The following ARHGAP6 variants were observed in gnomAD, a reference collection of about 807,000 sequenced individuals.
ARHGAP6 encodes the protein rho GTPase-activating protein 6.
A neutral mutation model predicts 55.7 loss-of-function variants in ARHGAP6; 16 were observed. That is an observed-to-expected ratio of 0.29 (90% confidence interval 0.19 to 0.44). The LOEUF (loss-of-function observed/expected upper bound fraction) is 0.44, where lower values mean the gene tolerates loss of function less well. ARHGAP6 is among the 20% of genes least tolerant of loss of function. The probability of loss-of-function intolerance (pLI) is 1.00; values close to 1 mark genes in which losing one functional copy is unlikely to be tolerated. For synonymous variants in ARHGAP6, 382 were observed against 360.9 expected (o/e 1.06, Z -0.66); for missense variants, 698 against 808.9 (o/e 0.86, Z 1.66).
At chrX:11,398,949 T>C (rs777856562) in intron 1 of ARHGAP6, among the ~76,000 whole-genome samples, 1 of 112,202 alleles carries the variant, frequency 8.9e-6, no homozygotes, top group African/African-American at 3.2e-5. Context: ...TACATACAAG[T>C]CAACAGATTA....
Position 11,329,973 on chromosome X carries a change from T to A in ARHGAP6, c.589-75266A>T, listed in dbSNP as rs974710921. ...CACTGTTGTCTATGTGGTCCATTAT[T>A]GACAGAAACATCCTCATTTGTAACA... On this transcript the variant is annotated intron_variant, in intron 1 of 12. Coordinates refer to ENST00000337414, the MANE Select transcript of ARHGAP6 (RefSeq NM_013427.3). Among the ~76,000 whole-genome samples the A allele has an allele frequency of 3.5e-5, 4 of 113,353 alleles. 1 individual carries two copies. Among genetic ancestry groups the A allele is most frequent in the African/African-American group, 1.3e-4 (4 of 31,289 alleles).
intron 1 of ARHGAP6, among the ~76,000 whole-genome samples, chrX:11,573,249 A>T (rs1473259864): frequency 9.2e-6 from 1 of 108,875 alleles, no homozygotes; most frequent in Non-Finnish European, 1.9e-5. Context: ...TTTAGACATG[A>T]AGTCCTTGCC....
chrX:11,360,853 T>C (rs1157982581), intron 1 of ARHGAP6, among the ~76,000 whole-genome samples: 3 of 111,253 alleles, frequency 2.7e-5, no homozygotes, highest in Middle Eastern at 4.6e-3. Flanking sequence ...AGCATTCTTA[T>C]ACACCAATAA....
At chrX:11,478,161 C>T (rs774417849) in intron 1 of ARHGAP6, among the ~76,000 whole-genome samples, 10 of 111,726 alleles carry the variant, frequency 9.0e-5, no homozygotes, top group African/African-American at 3.2e-4. Flanking sequence ...TAAACAGCTT[C>T]CCTATGAACC....
intron 1 of ARHGAP6, among the ~76,000 whole-genome samples, chrX:11,516,949 C>A (rs769608457): frequency 1.1e-4 from 12 of 111,629 alleles, no homozygotes; most frequent in Non-Finnish European, 2.1e-4. Flanking sequence ...TCACAGCTTC[C>A]GCTACTGTTT....
intron 1 of ARHGAP6, among the ~76,000 whole-genome samples, chrX:11,428,113 A>C (rs2147785994): frequency 8.9e-6 from 1 of 112,621 alleles, no homozygotes; most frequent in South Asian, 3.7e-4. Context: ...TGGGTTTCCA[A>C]GAAAGAGAGA....
chrX:11,366,316 T>A (rs2049077754), intron 1 of ARHGAP6, among the ~76,000 whole-genome samples: 1 of 112,529 alleles, frequency 8.9e-6, no homozygotes, highest in Non-Finnish European at 1.9e-5. Flanking sequence ...AAAGACAAAG[T>A]TAGTAGATCT....
chrX:11,646,840 A>G (rs950506054), intron 1 of ARHGAP6, among the ~76,000 whole-genome samples: 5 of 112,525 alleles, frequency 4.4e-5, no homozygotes, highest in African/African-American at 1.6e-4. Context: ...TATCTGATTT[A>G]ATCTACAAAT....
intron 1 of ARHGAP6, among the ~76,000 whole-genome samples, chrX:11,416,467 T>C (rs1469204905): frequency 9.0e-6 from 1 of 111,356 alleles, no homozygotes; most frequent in Admixed American, 9.6e-5. Flanking sequence ...TGGACACCTT[T>C]TTTAAAATAG....
At chrX:11,421,915 G>T (rs1417477297) in intron 1 of ARHGAP6, among the ~76,000 whole-genome samples, 1 of 111,714 alleles carries the variant, frequency 9.0e-6, no homozygotes, top group Non-Finnish European at 1.9e-5. Context: ...AACTAATAAA[G>T]GGTTAAGTTT....
At chrX:11,177,548 C>T (rs1051261330) in intron 8 of ARHGAP6, among the ~76,000 whole-genome samples, 11 of 111,452 alleles carry the variant, frequency 9.9e-5, no homozygotes, top group Non-Finnish European at 1.9e-4. Flanking sequence ...GGAAGCAGGA[C>T]TGACCCTCCC....
At chrX:11,577,956 G>C (rs1200049250) in intron 1 of ARHGAP6, among the ~76,000 whole-genome samples, 2 of 111,432 alleles carry the variant, frequency 1.8e-5, no homozygotes, top group Non-Finnish European at 3.8e-5. Context: ...ATCGTCTTGA[G>C]GGACCACTTC....
At chrX:11,362,677 C>T (rs977599215) in intron 1 of ARHGAP6, among the ~76,000 whole-genome samples, 1 of 109,532 alleles carries the variant, frequency 9.1e-6, no homozygotes, top group African/African-American at 3.3e-5. Context: ...TAATAATAAA[C>T]ACTGTAATTC....
chrX:11,465,258 T>C (rs2050282067), intron 1 of ARHGAP6, among the ~76,000 whole-genome samples: 1 of 111,997 alleles, frequency 8.9e-6, no homozygotes, highest in South Asian at 3.7e-4. Context: ...TCAATACTTG[T>C]ATGAAGCAAA....
chrX:11,224,350 G>C, intron 2 of ARHGAP6: 1 of 530,021 alleles, frequency 1.9e-6, no homozygotes, highest in Non-Finnish European at 2.4e-6. Context: ...GTTGGTATCA[G>C]GCTTAGCTTT....
In ARHGAP6 at chrX:11,182,084, G is replaced by A; in HGVS notation, c.1308C>T (p.Ser436=). The change falls in exon 6 of 13, where the codon AGC becomes AGT. Residue 436 remains serine (S), a synonymous_variant. Coordinates refer to ENST00000337414, the MANE Select transcript of ARHGAP6 (RefSeq NM_013427.3). ...TTACTTGTCTCACTCTCTTTTTTGA[G>A]CTTCCAACTCGGAATATCCCCACTG... The part of the protein sequence containing the change: ...LQTVGIFRVG[S]SKKRVRQLRE... The A allele has an allele frequency of 1.7e-6, 2 of 1,203,564 alleles. No homozygotes were observed. The highest frequency in any genetic ancestry group is 4.6e-4 in the Middle Eastern group (2 of 4,320).
At position 11,160,273 on chromosome X, in the gene ARHGAP6, C is replaced by G. The variant is rs1054659209; in HGVS notation, c.1810-3647G>C. On this transcript the variant is annotated intron_variant, in intron 9 of 12. Transcript: ENST00000337414. ...GACCATCCTGGCTAACATGGTGAAA[C>G]CCCGTCTCTACTAAAAATACAAAAA... Among the ~76,000 whole-genome samples the G allele has an allele frequency of 3.1e-3, 328 of 106,518 alleles. 1 individual carries two copies. The highest frequency in any genetic ancestry group is 9.8e-3 in the Middle Eastern group (2 of 205). The allele number at this position is 106,518 out of a possible 115,157, so 92.5% of individuals were successfully genotyped here.
At chrX:11,390,465 G>C (rs1221996686) in intron 1 of ARHGAP6, among the ~76,000 whole-genome samples, 8 of 111,140 alleles carry the variant, frequency 7.2e-5, no homozygotes, top group Non-Finnish European at 1.5e-4. Flanking sequence ...TGACAAATGG[G>C]ATCTAATTAA....
chrX:11,149,471 G>C (rs922450106), intron 10 of ARHGAP6, among the ~76,000 whole-genome samples: 1 of 110,386 alleles, frequency 9.1e-6, no homozygotes, highest in East Asian at 2.8e-4. Context: ...GTTGGGGGAG[G>C]GGGGCAGGGG....
Sources: gnomAD v4.1 joint callset for allele counts (sites outside exome capture counted in the v4.1 genomes callset) on GRCh38, gnomAD v4.1.1 for gene constraint, MANE v1.5 for transcripts, NCBI Gene and HGNC (gene_info 2026-07-23, HGNC 2026-07-21) for gene names.